The following IL12RB2 variants were observed in gnomAD, a reference collection of about 807,000 sequenced individuals.
IL12RB2 encodes interleukin 12 receptor subunit beta 2.
In IL12RB2, 82 loss-of-function variants were observed where a neutral mutation model predicts 89.4. The ratio of observed to expected loss-of-function variants is 0.92; its 90% CI spans 0.77 to 1.10. IL12RB2 has a LOEUF of 1.10. IL12RB2 is among the 50% of genes least tolerant of loss of function. The probability of loss-of-function intolerance (pLI) is 0.00; values close to 1 mark genes in which losing one functional copy is unlikely to be tolerated. For missense variants in IL12RB2, 963 were observed against 1,031.9 expected (o/e 0.93, Z 0.92); for synonymous variants, 368 against 370.1 (o/e 0.99, Z 0.07).
At position 67,396,544 on chromosome 1, in the gene IL12RB2, A is replaced by C. The variant is rs1398708744; in HGVS notation, c.*455A>C. ...CTTCCTGAGATGATGGAAATGTTCT[A>C]CCTCTGCACTCACTGTCCAGTACAT... On this transcript the variant is annotated 3_prime_UTR_variant, in exon 17 of 17. Coordinates refer to ENST00000674203, the MANE Select transcript of IL12RB2 (RefSeq NM_001374259.2). The C allele has an allele frequency of 8.8e-6, 2 of 228,488 alleles. No individual in the cohort carries two copies. Among genetic ancestry groups the C allele is most frequent in the Non-Finnish European group, 1.7e-5 (2 of 114,328 alleles). 14.2% of individuals were successfully genotyped at this position (228,488 alleles called of 1,614,324 possible).
At chr1:67,344,620 G>T (rs1660014252) in intron 9 of IL12RB2, among the ~76,000 whole-genome samples, 1 of 152,190 alleles carries the variant, frequency 6.6e-6, no homozygotes, top group Non-Finnish European at 1.5e-5. Context: ...TAACCCAGTA[G>T]ATCCAGAACA....
intron 2 of IL12RB2, among the ~76,000 whole-genome samples, chr1:67,318,024 G>A (rs1418507766): frequency 6.6e-6 from 1 of 152,174 alleles, no homozygotes; most frequent in Non-Finnish European, 1.5e-5. Context: ...GGTCAGGGAG[G>A]GGCTGTCTGG....
At chr1:67,347,647 C>G (rs1352279835) in intron 9 of IL12RB2, among the ~76,000 whole-genome samples, 1 of 152,262 alleles carries the variant, frequency 6.6e-6, no homozygotes, top group African/African-American at 2.4e-5. Context: ...TAAATCATTT[C>G]CCACAGGTCA....
intron 6 of IL12RB2, among the ~76,000 whole-genome samples, chr1:67,328,604 T>C (rs576725515): frequency 1.3e-5 from 2 of 152,276 alleles, no homozygotes; most frequent in East Asian, 1.9e-4. Context: ...TTATTCTCTC[T>C]ATTGAAGAAA....
Position 67,372,527 on chromosome 1 carries a change from G to A in IL12RB2, c.1551G>A (p.Lys517=). The part of the protein sequence containing the change: ...GGCSSILGNS[K]HKAPLSGPHI... ...GCAGCTCCATCCTGGGTAACTCTAA[G>A]CACAAAGGTGAGTCTTGGGATCTTT... is the stretch of plus-strand genomic sequence containing the variant. The change falls in exon 12 of 17, where the codon AAG becomes AAA. Residue 517 remains lysine, a synonymous_variant. Transcript: ENST00000674203. The A allele has an allele frequency of 1.9e-6, 3 of 1,602,826 alleles. No homozygotes were observed. Among genetic ancestry groups the A allele is most frequent in the Non-Finnish European group, 2.6e-6 (3 of 1,169,718 alleles).
chr1:67,370,583 C>A (rs537221340), intron 11 of IL12RB2, among the ~76,000 whole-genome samples: 1 of 152,088 alleles, frequency 6.6e-6, no homozygotes, highest in Non-Finnish European at 1.5e-5. Context: ...GGGGCAGGGA[C>A]TTTGCTGAAG....
intron 8 of IL12RB2, among the ~76,000 whole-genome samples, chr1:67,333,882 A>G (rs1012658206): frequency 6.6e-6 from 1 of 152,228 alleles, no homozygotes; most frequent in African/African-American, 2.4e-5. Context: ...TTAATCAGCT[A>G]TTCCTTAGAG....
chr1:67,325,186 T>C (rs1569782054), intron 4 of IL12RB2, among the ~76,000 whole-genome samples: 2 of 152,222 alleles, frequency 1.3e-5, no homozygotes, highest in Non-Finnish European at 2.9e-5. Flanking sequence ...GCTCAAAGGT[T>C]TGTTGTTGGA....
At chr1:67,332,168 A>G (rs1238216504) in intron 8 of IL12RB2, among the ~76,000 whole-genome samples, 4 of 152,150 alleles carry the variant, frequency 2.6e-5, no homozygotes, top group Non-Finnish European at 4.4e-5. Context: ...TACCTAATAT[A>G]TGATTCATAG....
intron 4 of IL12RB2, among the ~76,000 whole-genome samples, chr1:67,324,024 C>T (rs1275443486): frequency 6.6e-6 from 1 of 151,886 alleles, no homozygotes; most frequent in Non-Finnish European, 1.5e-5. Flanking sequence ...GAAAACTAAA[C>T]AAATGGAAAA....
chr1:67,365,334 T>C (rs1662555355), intron 10 of IL12RB2, among the ~76,000 whole-genome samples: 1 of 151,922 alleles, frequency 6.6e-6, no homozygotes, highest in Non-Finnish European at 1.5e-5. Context: ...AAGAGATAAA[T>C]TAATGAAACC....
intron 8 of IL12RB2, among the ~76,000 whole-genome samples, chr1:67,332,551 C>G (rs1446826846): frequency 2.6e-5 from 4 of 152,110 alleles, no homozygotes; most frequent in Non-Finnish European, 5.9e-5. Flanking sequence ...AATTTATTAC[C>G]ACTCATTTTA....
intron 13 of IL12RB2, among the ~76,000 whole-genome samples, chr1:67,373,139 C>T (rs1275702820): frequency 6.6e-6 from 1 of 152,188 alleles, no homozygotes; most frequent in Non-Finnish European, 1.5e-5. Context: ...GACAGTGCCT[C>T]ACTCTGTTGC....
Position 67,394,303 on chromosome 1 carries a change from C to T in IL12RB2, c.2047-1244C>T, listed in dbSNP as rs1282172361. On this transcript the variant is annotated intron_variant, in intron 16 of 16. Transcript: ENST00000674203. ...CCTCTGCTTGGGAAAGATCAGGCAG[C>T]CAGTGTGTAGGATTGTTTCTAGGAT... Among the ~76,000 whole-genome samples, 3 of 152,104 alleles carry T rather than the reference C, an allele frequency of 2.0e-5. No individual in the cohort carries two copies. In the East Asian group the frequency reaches 5.8e-4, roughly 29 times the overall value.
rs17129810 is a variant in IL12RB2, at chr1:67,337,442, C to T, written c.959-1182C>T. Among the ~76,000 whole-genome samples, 271 of 152,278 alleles carry T rather than the reference C, an allele frequency of 1.8e-3. 1 individual carries two copies. The highest frequency in any genetic ancestry group is 6.3e-3 in the African/African-American group (261 of 41,552). The stretch of plus-strand genomic sequence containing the variant: ...GAAACAAAATGACTTCACTCACTCA[C>T]GTGAGCATGAACTCATGCACACACA... On this transcript the variant is annotated intron_variant, in intron 8 of 16. Coordinates refer to ENST00000674203, the MANE Select transcript of IL12RB2 (RefSeq NM_001374259.2).
intron 10 of IL12RB2, among the ~76,000 whole-genome samples, chr1:67,355,410 C>A (rs992794151): frequency 7.0e-6 from 1 of 143,162 alleles, no homozygotes; most frequent in African/African-American, 2.6e-5. Flanking sequence ...GTGAGAGACC[C>A]TGTCTCAAAA....
intron 2 of IL12RB2, 40 bp from the exon 3 acceptor site, chr1:67,320,293 G>A: frequency 6.2e-7 from 1 of 1,611,804 alleles, no homozygotes; most frequent in Non-Finnish European, 8.5e-7. Flanking sequence ...GGTATTTTCT[G>A]AACATATTTA....
At chr1:67,323,872 A>G (rs768095412) in intron 4 of IL12RB2, among the ~76,000 whole-genome samples, 3 of 152,166 alleles carry the variant, frequency 2.0e-5, no homozygotes, top group African/African-American at 4.8e-5. Context: ...AGGCATGGAG[A>G]CAACCTGTCT....
intron 14 of IL12RB2, among the ~76,000 whole-genome samples, chr1:67,383,646 A>G (rs1286270862): frequency 6.6e-6 from 1 of 152,192 alleles, no homozygotes; most frequent in African/African-American, 2.4e-5. Context: ...CAAAGGAGCT[A>G]TAGGCCCCAT....
Sources: allele counts gnomAD v4.1 joint callset (sites outside exome capture counted in the v4.1 genomes callset), GRCh38; gene constraint gnomAD v4.1.1; transcripts MANE v1.5; gene names NCBI Gene and HGNC (gene_info 2026-07-23, HGNC 2026-07-21).